The following SYCP3 variants were observed in gnomAD, a reference collection of about 807,000 sequenced individuals.
The protein encoded by SYCP3 is synaptonemal complex protein 3.
In SYCP3, 29 loss-of-function variants were observed where a neutral mutation model predicts 38.5. The observed-to-expected ratio is 0.75, with a 90% CI of 0.56 to 1.03. The LOEUF (loss-of-function observed/expected upper bound fraction) is 1.03, where lower values mean the gene tolerates loss of function less well. Among genes scored for constraint, SYCP3 ranks in the 50% least tolerant of loss-of-function variants. SYCP3 has a pLI of 0.00. For synonymous variants in SYCP3, 79 were observed against 80.3 expected (o/e 0.98, Z 0.08); for missense variants, 242 against 270.7 (o/e 0.89, Z 0.74).
At chr12:101,737,479 G>C (rs111606213) in intron 2 of SYCP3, 181 bp from the exon 3 acceptor site, 122 of 683,932 alleles carry the variant, frequency 1.8e-4, no homozygotes, top group African/African-American at 1.8e-3. Context: ...CAGGATTCAG[G>C]ACCATTTTAT....
chr12:101,732,304 T>G (rs1290585020), intron 6 of SYCP3: 1 of 152,368 alleles, frequency 6.6e-6, no homozygotes, highest in Non-Finnish European at 1.5e-5. Context: ...TTTTTAGTAC[T>G]ACAGCTCAAT....
rs1952040058 is a variant in SYCP3 at position 101,728,684 on chromosome 12, G to C, written c.*243C>G. On this transcript the variant is annotated 3_prime_UTR_variant, in exon 9 of 9. Coordinates refer to ENST00000392924, the MANE Select transcript of SYCP3 (RefSeq NM_001177949.2). ...CGTCTTTATTTAATTGACAGTGTTAGAGAGAAAAATTCACTATCATTACTA... is the reference window on the plus strand; with the variant it reads ...CGTCTTTATTTAATTGACAGTGTTACAGAGAAAAATTCACTATCATTACTA... 1 of 514,164 alleles carries C rather than the reference G, an allele frequency of 1.9e-6. No homozygotes were observed. Among genetic ancestry groups the C allele is most frequent in the East Asian group, 3.3e-5 (1 of 30,026 alleles). The allele number at this position is 514,164 out of a possible 1,614,324, so 31.9% of individuals were successfully genotyped here. A position where few individuals can be genotyped will look rare whatever the true frequency, so the allele number is the denominator to read the frequency against.
At chr12:101,732,781 C>G (rs2137057460) in intron 6 of SYCP3, 1 of 152,260 alleles carries the variant, frequency 6.6e-6, no homozygotes, top group South Asian at 2.1e-4. Flanking sequence ...ATTCTCCCGC[C>G]TCAGCCTCCT....
intron 7 of SYCP3, chr12:101,729,572 T>TTCCC (rs1485565448): frequency 2.0e-5 from 4 of 198,948 alleles, no homozygotes; most frequent in African/African-American, 9.5e-5. Context: ...GTGCCATGAA[T>TTCCC]TCACTAGAGG....
intron 6 of SYCP3, chr12:101,732,234 T>C (rs922188667): frequency 6.5e-6 from 1 of 152,954 alleles, no homozygotes; most frequent in Non-Finnish European, 1.5e-5. Flanking sequence ...CCATTATACA[T>C]ACTGTTTCTC....
chr12:101,737,312 TAAAAAA>T lies in SYCP3; in HGVS notation c.134-20_134-15del. 7 of 1,411,440 alleles carry T rather than the reference TAAAAAA, an allele frequency of 5.0e-6. No homozygotes were observed. The highest frequency in any genetic ancestry group is 6.7e-6 in the Non-Finnish European group (7 of 1,043,154). 87.4% of individuals were successfully genotyped at this position (1,411,440 alleles called of 1,614,324 possible). A position where few individuals can be genotyped will look rare whatever the true frequency, so the allele number is the denominator to read the frequency against. The stretch of plus-strand genomic sequence containing the variant: ...CTGCAGTCTTCCCTGTATTGACAAT[TAAAAAA>T]AAAAAAAAAAAGCTTTTGAAACTGA... On this transcript the variant is annotated splice_polypyrimidine_tract_variant and intron_variant, in intron 2 of 8. Transcript: ENST00000392924.
In SYCP3 at chr12:101,735,075, TA is replaced by T; in HGVS notation, c.236-32del. 2.0e-6 allele frequency: 3 copies of T among 1,467,378 alleles called. No homozygotes were observed. The South Asian group carries it at 3.5e-5, about 17-fold the overall frequency. 90.9% of individuals were successfully genotyped at this position (1,467,378 alleles called of 1,614,324 possible). ...TTGAAAATAAAAATTCATTAAAATT[TA>T]ATGTTGAAAAAAGTATTTTGTTCCC... On this transcript the variant is annotated intron_variant, in intron 4 of 8. Transcript: ENST00000392924.
At chr12:101,738,016 A>T in intron 1 of SYCP3, 64 bp from the exon 2 acceptor site, 2 of 1,565,926 alleles carry the variant, frequency 1.3e-6, no homozygotes, top group Non-Finnish European at 1.8e-6. Context: ...CACTGGTAAA[A>T]GTTTAAATAT....
In SYCP3 at chr12:101,737,180, CTT is replaced by C. The variant is rs1952482846; in HGVS notation, c.200+50_200+51del. On this transcript the variant is annotated intron_variant, in intron 3 of 8. Transcript: ENST00000392924. ...TTTTACATATATTATTTGTTAGCAA[CTT>C]TTCTTGAAGTGCTTTATCTAAGAAA... 3 of 1,605,424 alleles carry C rather than the reference CTT, an allele frequency of 1.9e-6. No individual in the cohort carries two copies. The East Asian group carries it at 6.7e-5, about 36-fold the overall frequency.
chr12:101,729,293 AAGT>A, intron 7 of SYCP3, 80 bp from the exon 8 acceptor site: 3 of 1,369,912 alleles, frequency 2.2e-6, no homozygotes, highest in Non-Finnish European at 3.0e-6. Context: ...TAATTTTCAA[AAGT>A]AGTAATTTTT....
intron 4 of SYCP3, among the ~76,000 whole-genome samples, chr12:101,736,808 A>G (rs1034231543): frequency 6.6e-6 from 1 of 152,054 alleles, no homozygotes; most frequent in African/African-American, 2.4e-5. Context: ...CTAAAATTCC[A>G]TAGTCCATTA....
Position 101,737,273 on chromosome 12 carries a change from A to C in SYCP3, c.159T>G (p.Arg53=), listed in dbSNP as rs757904004. The part of the protein sequence containing the change: ...IEGKTAVIEK[R]RKKRSSAGVV... ...CTCCTGCAGAAGACCTTTTCTTCCT[A>C]CGTTTCTCAATGACTGCAGTCTTCC... The change falls in exon 3 of 9, where the codon CGT becomes CGG. Residue 53 remains arginine (R), a synonymous_variant. Transcript: ENST00000392924. The C allele has an allele frequency of 1.2e-6, 2 of 1,612,198 alleles. No individual in the cohort carries two copies. The highest frequency in any genetic ancestry group is 1.1e-5 in the South Asian group (1 of 91,020).
At chr12:101,732,698 CCT>C (rs1952240147) in intron 6 of SYCP3, 1 of 150,474 alleles carries the variant, frequency 6.6e-6, no homozygotes, top group Admixed American at 6.6e-5. Flanking sequence ...AAAGGGTCTC[CCT>C]CTGTCACCCA....
intron 4 of SYCP3, among the ~76,000 whole-genome samples, chr12:101,736,566 CTACA>C (rs1297110684): frequency 3.3e-5 from 5 of 152,014 alleles, no homozygotes; most frequent in African/African-American, 9.7e-5. Context: ...TTAGTATCAA[CTACA>C]TAGTTTATTA....
At position 101,736,712 on chromosome 12, in the gene SYCP3, G is replaced by A. The variant is rs201070826; in HGVS notation, c.235+325C>T. On this transcript the variant is annotated intron_variant, in intron 4 of 8. Coordinates refer to ENST00000392924, the MANE Select transcript of SYCP3 (RefSeq NM_001177949.2). ...CAAATATATGTATGTATGTATATGT[G>A]TGTGTGTGTGTGTGTGTGTGTGTGT... Among the ~76,000 whole-genome samples, 7 of 58,562 alleles carry A rather than the reference G, an allele frequency of 1.2e-4. No individual in the cohort carries two copies. The East Asian group carries it at 3.2e-3, about 27-fold the overall frequency. The allele number at this position is 58,562 out of a possible 152,430, so 38.4% of individuals were successfully genotyped here.
chr12:101,733,432 T>C, intron 6 of SYCP3, 143 bp downstream of exon 6: 2 of 711,798 alleles, frequency 2.8e-6, no homozygotes, highest in Non-Finnish European at 4.9e-6. Flanking sequence ...TATACGTCTG[T>C]GGTTTACAGT....
intron 1 of SYCP3, among the ~76,000 whole-genome samples, chr12:101,738,714 C>A (rs1191898343): frequency 6.6e-6 from 1 of 152,156 alleles, no homozygotes. Context: ...CCAGCCTGGG[C>A]GACAGAGTGA....
In SYCP3 at chr12:101,731,681, GA is replaced by G. The variant is rs776971955; in HGVS notation, c.454-16del. On this transcript the variant is annotated splice_polypyrimidine_tract_variant and intron_variant, in intron 6 of 8. Coordinates refer to ENST00000392924, the MANE Select transcript of SYCP3 (RefSeq NM_001177949.2). The stretch of plus-strand genomic sequence containing the variant: ...CGAAACATATTCTACAAATATAAAA[GA>G]AAAAAAACTGTGTAATAACAATTTG... The G allele has an allele frequency of 2.0e-4, 303 of 1,536,016 alleles. 2 individuals are homozygous for G. The highest frequency in any genetic ancestry group is 7.4e-4 in the East Asian group (30 of 40,270).
chr12:101,733,347 T>C (rs979505833), intron 6 of SYCP3: 10 of 499,908 alleles, frequency 2.0e-5, no homozygotes, highest in East Asian at 7.0e-5. Flanking sequence ...CTTTTGTACT[T>C]TGACAAATTT....
Sources: gnomAD v4.1 joint callset for allele counts (sites outside exome capture counted in the v4.1 genomes callset) on GRCh38, gnomAD v4.1.1 for gene constraint, MANE v1.5 for transcripts, NCBI Gene and HGNC (gene_info 2026-07-23, HGNC 2026-07-21) for gene names.